Variants in APOB observed in about 807,000 individuals in gnomAD.
APOB encodes the protein apolipoprotein B, also known as apolipoprotein B-100.
In APOB, 153 loss-of-function variants were observed where a neutral mutation model predicts 314.1. The ratio of observed to expected loss-of-function variants is 0.49; its 90% CI spans 0.43 to 0.56. APOB has a LOEUF of 0.56. APOB is among the 20% of genes least tolerant of loss of function. The probability of loss-of-function intolerance (pLI) is 0.00; values close to 1 mark genes in which losing one functional copy is unlikely to be tolerated. For synonymous variants in APOB, 2,087 were observed against 2,036.4 expected, an observed-to-expected ratio of 1.02 and a Z score of -0.67; for missense variants, 5,430 against 5,350.7, an observed-to-expected ratio of 1.01 and a Z score of -0.46.
chr2:21,002,078 AAT>A lies in APOB; in HGVS notation c.13342_13343del (p.Ile4448SerfsTer5). The A allele has an allele frequency of 6.2e-7, 1 of 1,613,994 alleles. No homozygotes were observed. The highest frequency in any genetic ancestry group is 8.5e-7 in the Non-Finnish European group (1 of 1,179,976). On this transcript the variant is annotated frameshift_variant, in exon 29 of 29. Transcript: ENST00000233242. LOFTEE classifies it low-confidence loss of function (END_TRUNC). ...CGGTAAGGATGCTAAGATATTCCTGAATATTTCTGTGCAGAAATTGCTCAACT... is the reference window on the plus strand; with the variant it reads ...CGGTAAGGATGCTAAGATATTCCTGAATTTCTGTGCAGAAATTGCTCAACT... ...SQVEQFLHRNIQEYLSILTDP... is the reference protein window; with the variant it reads ...SQVEQFLHRNXQEYLSILTDP...
intron 10 of APOB, among the ~76,000 whole-genome samples, chr2:21,030,392 T>C (rs1376415681): frequency 1.3e-5 from 2 of 152,114 alleles, no homozygotes; most frequent in Non-Finnish European, 2.9e-5. Flanking sequence ...GAAAGATGGA[T>C]TGCCATATGC....
intron 18 of APOB, among the ~76,000 whole-genome samples, chr2:21,021,795 A>T (rs1663612245): frequency 6.6e-6 from 1 of 152,228 alleles, no homozygotes; most frequent in Non-Finnish European, 1.5e-5. Flanking sequence ...TACATGATAT[A>T]AAATTTCATG....
chr2:21,013,099 C>T, intron 25 of APOB, 61 bp downstream of exon 25: 2 of 1,608,708 alleles, frequency 1.2e-6, no homozygotes. Context: ...CTGGAGGAGG[C>T]TCTCCTCTTA....
Position 21,007,932 on chromosome 2 carries a change from C to A in APOB, c.8936G>T (p.Gly2979Val), listed in dbSNP as rs1001971632. Residue 2979 changes from glycine (G) to valine (V), a missense_variant, in exon 26 of 29, where the codon GGC becomes GTC. Physicochemically the swap from Gly to Val is moderately radical, Grantham distance 109 (BLOSUM62 -3). Coordinates refer to ENST00000233242, the MANE Select transcript of APOB (RefSeq NM_000384.3). ...TTCAAGTTTAGAAAAGTTGAGGGAG[C>A]CAGATTCATAAACCAAGTTTTGGTT... ...RVNQNLVYESGSLNFSKLEIQ... is the reference protein window; with the variant it reads ...RVNQNLVYESVSLNFSKLEIQ... 6.2e-7 allele frequency: 1 copy of A among 1,613,952 alleles called. No homozygotes were observed. Among genetic ancestry groups the A allele is most frequent in the Non-Finnish European group, 8.5e-7 (1 of 1,179,932 alleles).
Position 21,007,510 on chromosome 2 carries a change from C to T in APOB, c.9358G>A (p.Glu3120Lys). 1 of 1,614,066 alleles carries T rather than the reference C, an allele frequency of 6.2e-7. No individual in the cohort carries two copies. ...ATGTTTAAGAAATCCAGATTTGCTT[C>T]TCCATTTATTCCTACATGGGCCTCC... is the stretch of plus-strand genomic sequence containing the variant. ...IMEAHVGING[E>K]ANLDFLNIPL... The change falls in exon 26 of 29, where the codon GAA (glutamate) becomes AAA (lysine). Residue 3120 changes from glutamate to lysine, a missense_variant. Physicochemically the swap from Glu to Lys is moderately conservative, Grantham distance 56. This residue lies in a region of APOB where 3,281 missense variants were observed against 3,171.0 expected (regional missense o/e 1.03). Transcript: ENST00000233242.
Position 21,019,772 on chromosome 2 carries a change from C to T in APOB, c.2950G>A (p.Ala984Thr), listed in dbSNP as rs752149683. 12 of 1,613,996 alleles carry T rather than the reference C, an allele frequency of 7.4e-6. No homozygotes were observed. Among genetic ancestry groups the T allele is most frequent in the Admixed American group, 6.7e-5 (4 of 59,998 alleles). Residue 984 changes from alanine (A) to threonine (T), a missense_variant, in exon 19 of 29, where the codon GCC becomes ACC. Coordinates refer to ENST00000233242, the MANE Select transcript of APOB (RefSeq NM_000384.3). ...NYCTSGAYSN[A>T]SSTDSASYYP... ...TAGGAGGCGGAGTCTGTGGAGCTGGCGTTGGAGTAAGCGCCTGAGGTGCAG... is the reference window on the plus strand; with the variant it reads ...TAGGAGGCGGAGTCTGTGGAGCTGGTGTTGGAGTAAGCGCCTGAGGTGCAG...
chr2:21,014,682 G>T, intron 23 of APOB, 89 bp from the exon 24 acceptor site: 3 of 1,367,700 alleles, frequency 2.2e-6, no homozygotes, highest in South Asian at 1.2e-5. Flanking sequence ...GATTTGACAA[G>T]TTAATTATTA....
rs376773500 is a variant in APOB, at chr2:21,008,642, C to A, written c.8226G>T (p.Gln2742His). Reference protein sequence around the residue: ...QVPDLHIPEFQLPHISHTIEV... With the variant: ...QVPDLHIPEFHLPHISHTIEV... ...CAATTGTGTGTGAGATGTGGGGAAG[C>A]TGGAATTCTGGTATGTGAAGGTCAG... Residue 2742 changes from glutamine to histidine, a missense_variant, in exon 26 of 29, where the codon CAG becomes CAT. By Grantham distance (24) the Gln-to-His change is conservative. Coordinates refer to ENST00000233242, the MANE Select transcript of APOB (RefSeq NM_000384.3). 1.5e-5 allele frequency: 25 copies of A among 1,613,902 alleles called. No individual in the cohort carries two copies. Among genetic ancestry groups the A allele is most frequent in the Non-Finnish European group, 2.0e-5 (24 of 1,179,982 alleles).
chr2:21,008,688 T>A lies in APOB; in HGVS notation c.8180A>T (p.Asn2727Ile), dbSNP rs1228313850. The A allele has an allele frequency of 1.2e-6, 2 of 1,613,960 alleles. No individual in the cohort carries two copies. The highest frequency in any genetic ancestry group is 1.7e-6 in the Non-Finnish European group (2 of 1,179,954). ...AIPEFIIPTLNLNDFQVPDLH... is the reference protein window; with the variant it reads ...AIPEFIIPTLILNDFQVPDLH... ...GTCAGGAACTTGAAAATCATTAAGGTTGAGAGTTGGGATTATGAATTCTGG... is the reference window on the plus strand; with the variant it reads ...GTCAGGAACTTGAAAATCATTAAGGATGAGAGTTGGGATTATGAATTCTGG... Residue 2727 changes from asparagine to isoleucine, a missense_variant, in exon 26 of 29, where the codon AAC (asparagine) becomes ATC (isoleucine). Transcript: ENST00000233242.
Position 21,001,620 on chromosome 2 carries a change from CA to C in APOB, c.*109del. The C allele has an allele frequency of 9.1e-7, 1 of 1,096,466 alleles. No individual in the cohort carries two copies. The highest frequency in any genetic ancestry group is 2.0e-5 in the Admixed American group (1 of 50,620). The allele number at this position is 1,096,466 out of a possible 1,614,324, so 67.9% of individuals were successfully genotyped here. On this transcript the variant is annotated 3_prime_UTR_variant, in exon 29 of 29. Coordinates refer to ENST00000233242, the MANE Select transcript of APOB (RefSeq NM_000384.3). ...TCTGCTTATAGTCTACTGCCTACTG[CA>C]AGGCTGGCTCACTGTATGGTTTTAT...
In APOB at chr2:21,032,537, C is replaced by A; in HGVS notation, c.1169G>T (p.Cys390Phe). Residue 390 changes from cysteine (C) to phenylalanine (F), a missense_variant, in exon 10 of 29, where the codon TGC becomes TTC. Around this residue, in one of 3 missense-constraint regions of APOB, gnomAD observed 2,085 missense variants for 2,079.7 expected, o/e 1.00. Transcript: ENST00000233242. Reference protein sequence around the residue: ...QALVQCGQPQCSTHILQWLKR... With the variant: ...QALVQCGQPQFSTHILQWLKR... ...CAGCCACTGGAGGATGTGAGTGGAGCACTGAGGCTGTCCACACTGAACCAA... is the reference window on the plus strand; with the variant it reads ...CAGCCACTGGAGGATGTGAGTGGAGAACTGAGGCTGTCCACACTGAACCAA... 5 of 1,614,150 alleles carry A rather than the reference C, an allele frequency of 3.1e-6. No homozygotes were observed. Among genetic ancestry groups the A allele is most frequent in the Non-Finnish European group, 4.2e-6 (5 of 1,180,036 alleles).
chr2:21,014,512 C>T lies in APOB; in HGVS notation c.3778G>A (p.Glu1260Lys). The change falls in exon 24 of 29, where the codon GAG becomes AAG. Residue 1260 changes from glutamate (E) to lysine (K), a missense_variant. Transcript: ENST00000233242. ...TLQDHLNSLK[E>K]FNLQNMGLPD... The stretch of plus-strand genomic sequence containing the variant: ...AATCCCATGTTCTGGAGGTTGAACT[C>T]CTTCAGGCTATTGAGGTGGTCTTGC... The T allele has an allele frequency of 6.2e-7, 1 of 1,614,078 alleles. No homozygotes were observed. Among genetic ancestry groups the T allele is most frequent in the Non-Finnish European group, 8.5e-7 (1 of 1,180,008 alleles).
In APOB at chr2:21,008,275, T is replaced by A; in HGVS notation, c.8593A>T (p.Asn2865Tyr). The A allele has an allele frequency of 6.2e-7, 1 of 1,613,942 alleles. No homozygotes were observed. The highest frequency in any genetic ancestry group is 8.5e-7 in the Non-Finnish European group (1 of 1,179,908). ...ACTCCATTACTAAGCTCCAGTGTAT[T>A]TTTTTCTGTGTGTAAACTTGCCACT... ...NTVASLHTEK[N>Y]TLELSNGVIV... The change falls in exon 26 of 29, where the codon AAT becomes TAT. Residue 2865 changes from asparagine to tyrosine, a missense_variant. By Grantham distance (143) the Asn-to-Tyr change is moderately radical (BLOSUM62 -2). This residue lies in a region of APOB where 3,281 missense variants were observed against 3,171.0 expected (regional missense o/e 1.03). Transcript: ENST00000233242.
chr2:21,038,141 T>G (rs1380307808), intron 4 of APOB, 30 bp from the exon 5 acceptor site: 1 of 1,612,806 alleles, frequency 6.2e-7, no homozygotes, highest in African/African-American at 1.3e-5. Flanking sequence ...GTCACGGAAA[T>G]GTCCTTCTCC....
At chr2:21,031,656 C>T (rs1468249100) in intron 10 of APOB, among the ~76,000 whole-genome samples, 1 of 152,058 alleles carries the variant, frequency 6.6e-6, no homozygotes. Flanking sequence ...ACCTGCTAGC[C>T]TGAGCAACAT....
Position 21,027,721 on chromosome 2 carries a change from G to A in APOB, c.2067+107C>T, listed in dbSNP as rs1663767790. On this transcript the variant is annotated intron_variant, in intron 14 of 28. Transcript: ENST00000233242. ...AAGCCTCAGAATCATGGTAGGAAGTGCCTGGTGGTTCTTAGTTTTCCTCTG... is the reference window on the plus strand; with the variant it reads ...AAGCCTCAGAATCATGGTAGGAAGTACCTGGTGGTTCTTAGTTTTCCTCTG... 6 of 854,858 alleles carry A rather than the reference G, an allele frequency of 7.0e-6. No individual in the cohort carries two copies. In the South Asian group the frequency reaches 8.1e-5, roughly 12 times the overall value. The allele number at this position is 854,858 out of a possible 1,614,324, so 53.0% of individuals were successfully genotyped here.
chr2:21,019,873 G>A lies in APOB; in HGVS notation c.2849C>T (p.Thr950Met), dbSNP rs187506285. Residue 950 changes from threonine (T) to methionine (M), a missense_variant, in exon 19 of 29, where the codon ACG becomes ATG. By Grantham distance (81) the Thr-to-Met change is moderately conservative. Coordinates refer to ENST00000233242, the MANE Select transcript of APOB (RefSeq NM_000384.3). ...CTCAATGAGAGGTGGGATCACCTCC[G>A]TTTTGGTGGTAGAGACCAAATGTAA... ...NTLHLVSTTK[T>M]EVIPPLIENR... The A allele has an allele frequency of 2.5e-5, 40 of 1,614,130 alleles. No homozygotes were observed. Among genetic ancestry groups the A allele is most frequent in the Admixed American group, 6.7e-5 (4 of 60,016 alleles).
Position 21,015,076 on chromosome 2 carries a change from T to C in APOB, c.3693A>G (p.Ile1231Met). ...MTFRHVGSKL[I>M]VAMSSWLQKA... The stretch of plus-strand genomic sequence containing the variant: ...TGACTGGCAGACTCATACTTACAAC[T>C]ATTAATTTGGAACCCACGTGCCGGA... Residue 1231 changes from isoleucine (I) to methionine (M), a missense_variant, in exon 23 of 29, where the codon ATA becomes ATG. Ile to Met is a conservative substitution (Grantham distance 10). Around this residue, in one of 3 missense-constraint regions of APOB, gnomAD observed 2,085 missense variants for 2,079.7 expected, o/e 1.00. Coordinates refer to ENST00000233242, the MANE Select transcript of APOB (RefSeq NM_000384.3). The C allele has an allele frequency of 1.9e-6, 3 of 1,613,870 alleles. No homozygotes were observed. Among genetic ancestry groups the C allele is most frequent in the Non-Finnish European group, 2.5e-6 (3 of 1,179,812 alleles).
At chr2:21,016,154 G>A (rs1257247902) in intron 21 of APOB, among the ~76,000 whole-genome samples, 1 of 152,134 alleles carries the variant, frequency 6.6e-6, no homozygotes, top group Non-Finnish European at 1.5e-5. Flanking sequence ...TGGGTGTGGT[G>A]GCATGCACCT....
Sources: allele counts gnomAD v4.1 joint callset (sites outside exome capture counted in the v4.1 genomes callset), GRCh38; gene constraint gnomAD v4.1.1; regional missense constraint gnomAD v4.1.1; transcripts MANE v1.5; gene names NCBI Gene and HGNC (gene_info 2026-07-23, HGNC 2026-07-21).